PHF20: variants seen among roughly 807,000 people sequenced by gnomAD.
PHF20 encodes PHD finger protein 20.
Under a neutral mutation model 113.5 loss-of-function variants are expected in PHF20, and 23 were observed. That is an observed-to-expected ratio of 0.20 (90% confidence interval 0.15 to 0.29). PHF20 has a LOEUF of 0.29. Ranked by LOEUF, PHF20 falls within the 10% of genes least tolerant of loss-of-function variation. The pLI, the probability that PHF20 is intolerant of heterozygous loss-of-function variation, is 1.00. For missense variants in PHF20, 943 were observed against 1,219.6 expected, an observed-to-expected ratio of 0.77 and a Z score of 3.38; for synonymous variants, 434 against 457.3, an observed-to-expected ratio of 0.95 and a Z score of 0.65.
rs2056131847 is a variant in PHF20 at position 35,948,957 on chromosome 20, A to T, written c.*1330A>T. The T allele has an allele frequency of 6.5e-6, 1 of 152,692 alleles. No homozygotes were observed. Among genetic ancestry groups the T allele is most frequent in the African/African-American group, 2.4e-5 (1 of 41,468 alleles). The allele number at this position is 152,692 out of a possible 1,614,324, so 9.5% of individuals were successfully genotyped here. On this transcript the variant is annotated 3_prime_UTR_variant, in exon 18 of 18. Transcript: ENST00000374012. ...ACTATGTAAACGTGAAGTAGCCAAT[A>T]ATATCTCAATAGTAGTAACAGTATC...
chr20:35,865,337 C>CA (rs2054294912), intron 6 of PHF20, among the ~76,000 whole-genome samples: 1 of 151,332 alleles, frequency 6.6e-6, no homozygotes, highest in Non-Finnish European at 1.5e-5. Context: ...CTCATCTCTA[C>CA]AAAAAATGAA....
chr20:35,947,435 A>C, intron 17 of PHF20, 50 bp from the exon 18 acceptor site: 2 of 1,587,876 alleles, frequency 1.3e-6, no homozygotes, highest in African/African-American at 1.3e-5. Flanking sequence ...TGTTCTTGCA[A>C]ATCAAGTGTT....
chr20:35,924,272 A>G (rs975439379), intron 13 of PHF20, among the ~76,000 whole-genome samples: 2 of 140,372 alleles, frequency 1.4e-5, no homozygotes, highest in African/African-American at 5.4e-5. Flanking sequence ...TCGGCTCACT[A>G]CAACCTCCAC....
At chr20:35,854,683 C>T (rs1205733652) in intron 4 of PHF20, among the ~76,000 whole-genome samples, 1 of 152,132 alleles carries the variant, frequency 6.6e-6, no homozygotes, top group Admixed American at 6.5e-5. Context: ...ACGGTCATCC[C>T]TTAGCACCTT....
At chr20:35,859,941 G>A (rs150957776) in intron 5 of PHF20, among the ~76,000 whole-genome samples, 3 of 151,964 alleles carry the variant, frequency 2.0e-5, no homozygotes, top group East Asian at 1.9e-4. Context: ...TTTTTTTTGA[G>A]ACCGAGTCTC....
Position 35,911,655 on chromosome 20 carries a change from A to AT in PHF20, c.1562-1587dup, listed in dbSNP as rs1366939951. Among the ~76,000 whole-genome samples, 3 of 152,098 alleles carry AT rather than the reference A, an allele frequency of 2.0e-5. No homozygotes were observed. The South Asian group carries it at 6.2e-4, about 32-fold the overall frequency. ...TGGTAAGAGAAGAAGAAACGACTGG[A>AT]TTTTTTTGTTTGTTTGTTTTGGAGA... is the stretch of plus-strand genomic sequence containing the variant. On this transcript the variant is annotated intron_variant, in intron 10 of 17. Transcript: ENST00000374012.
At chr20:35,848,520 G>A (rs569400296) in intron 4 of PHF20, among the ~76,000 whole-genome samples, 1 of 152,106 alleles carries the variant, frequency 6.6e-6, no homozygotes, top group Non-Finnish European at 1.5e-5. Flanking sequence ...CAAAGTTTTG[G>A]GATTATAAGC....
rs919722150 is a variant in PHF20, at chr20:35,886,752, C to T, written c.1283-12618C>T. On this transcript the variant is annotated intron_variant, in intron 9 of 17. Coordinates refer to ENST00000374012, the MANE Select transcript of PHF20 (RefSeq NM_016436.5). Reference sequence around the variant, plus strand: ...ATTGATGGCATGTGGTCCCTGAGAGCCAGGGCCATCTGGATGTCTTTCTGT... The same window carrying T: ...ATTGATGGCATGTGGTCCCTGAGAGTCAGGGCCATCTGGATGTCTTTCTGT... Among the ~76,000 whole-genome samples the T allele has an allele frequency of 3.3e-5, 5 of 152,246 alleles. No individual in the cohort carries two copies. In the East Asian group the frequency reaches 9.7e-4, roughly 29 times the overall value.
rs751751081 is a variant in PHF20, at chr20:35,869,526, A to ACGTCCT, written c.900_905dup (p.Pro301_Arg302dup). On this transcript the variant is annotated inframe_insertion, in exon 7 of 18. Transcript: ENST00000374012. Reference sequence around the variant, plus strand: ...CAAAAGGATGTGAAGTCCCATTAAAACGTCCTCGGCTTGACAAAAATTCAT... The same window carrying ACGTCCT: ...CAAAAGGATGTGAAGTCCCATTAAAACGTCCTCGTCCTCGGCTTGACAAAAATTCAT... 1 of 1,605,512 alleles carries ACGTCCT rather than the reference A, an allele frequency of 6.2e-7. No individual in the cohort carries two copies.
chr20:35,898,014 T>A (rs2055021774), intron 9 of PHF20, among the ~76,000 whole-genome samples: 1 of 152,034 alleles, frequency 6.6e-6, no homozygotes, highest in South Asian at 2.1e-4. Context: ...TAGCTGGGAT[T>A]ACAGGCATGT....
chr20:35,917,565 C>A lies in PHF20; in HGVS notation c.1907C>A (p.Thr636Asn), dbSNP rs760979969. The stretch of plus-strand genomic sequence containing the variant: ...TATGGCCAAGATGTGGATGTGACCA[C>A]CAACCCAGATGAGGAACTTGATGGG... ...DEYGQDVDVT[T>N]NPDEELDGDD... Residue 636 changes from threonine (T) to asparagine (N), a missense_variant, in exon 13 of 18, where the codon ACC becomes AAC. Coordinates refer to ENST00000374012, the MANE Select transcript of PHF20 (RefSeq NM_016436.5). 1.9e-5 allele frequency: 30 copies of A among 1,613,948 alleles called. No individual in the cohort carries two copies. Among genetic ancestry groups the A allele is most frequent in the Non-Finnish European group, 2.5e-5 (29 of 1,179,982 alleles).
In PHF20 at chr20:35,832,912, G is replaced by T. The variant is rs114123020; in HGVS notation, c.84-9661G>T. On this transcript the variant is annotated intron_variant, in intron 2 of 17. Transcript: ENST00000374012. ...AAAATACAAAAAATGTTAGCTGGGCGTGGTGGTGGGCACCTGTAGTCCCAG... is the reference window on the plus strand; with the variant it reads ...AAAATACAAAAAATGTTAGCTGGGCTTGGTGGTGGGCACCTGTAGTCCCAG... Among the ~76,000 whole-genome samples, 674 of 152,052 alleles carry T rather than the reference G, an allele frequency of 4.4e-3. 2 individuals are homozygous for T. The highest frequency in any genetic ancestry group is 0.015 in the African/African-American group (622 of 41,474).
chr20:35,817,687 A>G (rs1423812469), intron 2 of PHF20, among the ~76,000 whole-genome samples: 1 of 152,090 alleles, frequency 6.6e-6, no homozygotes, highest in Non-Finnish European at 1.5e-5. Context: ...AGTCCCAGCT[A>G]CTCAGGAGAC....
chr20:35,861,004 G>A (rs2054209218), intron 5 of PHF20, among the ~76,000 whole-genome samples: 1 of 152,178 alleles, frequency 6.6e-6, no homozygotes, highest in Admixed American at 6.5e-5. Context: ...TGGCCTCTGA[G>A]TGTCTGACCT....
intron 2 of PHF20, among the ~76,000 whole-genome samples, chr20:35,815,522 C>T (rs1600772936): frequency 6.6e-6 from 1 of 151,902 alleles, no homozygotes; most frequent in Non-Finnish European, 1.5e-5. Context: ...TGGAGTGTAG[C>T]GCGAGTGATC....
At chr20:35,832,817 A>G (rs564521548) in intron 2 of PHF20, among the ~76,000 whole-genome samples, 1 of 152,280 alleles carries the variant, frequency 6.6e-6, no homozygotes, top group South Asian at 2.1e-4. Flanking sequence ...TGGGAGGCCA[A>G]GGCAGGTGGA....
chr20:35,799,291 CAAAAAAAAAAAAAAAAAAA>C (rs35210007), intron 1 of PHF20, among the ~76,000 whole-genome samples: 1 of 21,006 alleles, frequency 4.8e-5, no homozygotes, highest in Non-Finnish European at 1.0e-4. Flanking sequence ...ACTCTCTCTG[CAAAAAAAAAAAAAAAAAAA>C]AAAAAAAAAG....
chr20:35,878,856 T>C, intron 9 of PHF20: 1 of 459,862 alleles, frequency 2.2e-6, no homozygotes, highest in Non-Finnish European at 3.9e-6. Context: ...TAACACGGCA[T>C]TTTGAATATT....
At chr20:35,925,863 C>T (rs998135250) in intron 13 of PHF20, among the ~76,000 whole-genome samples, 7 of 151,798 alleles carry the variant, frequency 4.6e-5, no homozygotes, top group Non-Finnish European at 8.8e-5. Flanking sequence ...TGGCTCATGC[C>T]TATAATCCCA....
Sources: gnomAD v4.1 joint callset for allele counts (sites outside exome capture counted in the v4.1 genomes callset) on GRCh38, gnomAD v4.1.1 for gene constraint, MANE v1.5 for transcripts, NCBI Gene and HGNC (gene_info 2026-07-23, HGNC 2026-07-21) for gene names.